RIF1: variants seen among roughly 807,000 people sequenced by gnomAD.
RIF1 encodes the protein replication timing regulatory factor 1.
Under a neutral mutation model 247.1 loss-of-function variants are expected in RIF1, and 45 were observed. That is an observed-to-expected ratio of 0.18 (90% confidence interval 0.14 to 0.23). The LOEUF (loss-of-function observed/expected upper bound fraction) is 0.23. RIF1 is among the 10% of genes least tolerant of loss of function. The pLI is 1.00. For synonymous variants in RIF1, 1,087 were observed against 978.8 expected, an observed-to-expected ratio of 1.11 and a Z score of -2.06; for missense variants, 2,967 against 2,862.5, an observed-to-expected ratio of 1.04 and a Z score of -0.83.
chr2:151,451,312 G>C (rs1317943267), intron 20 of RIF1, among the ~76,000 whole-genome samples: 1 of 152,180 alleles, frequency 6.6e-6, no homozygotes, highest in African/African-American at 2.4e-5. Flanking sequence ...AGGTGCCTAG[G>C]CTATGTGTTT....
In RIF1 at chr2:151,492,078, C is replaced by T. The variant is rs752766337; in HGVS notation, c.*416-3151C>T. On this transcript the variant is annotated intron_variant and NMD_transcript_variant, in intron 9 of 13. Transcript: ENST00000454583. ...CCCTCACTTAAAGTTAATCCCCTCC[C>T]CCAACCCAGGCTCAGTTACCTGTAA... is the stretch of plus-strand genomic sequence containing the variant. 29 of 1,612,494 alleles carry T rather than the reference C, an allele frequency of 1.8e-5. No homozygotes were observed. The highest frequency in any genetic ancestry group is 2.4e-5 in the Non-Finnish European group (28 of 1,178,788).
rs370057073 is a variant in RIF1 at position 151,423,033 on chromosome 2, A to G, written c.777A>G (p.Leu259=). The change falls in exon 8 of 36, where the codon CTA becomes CTG. Residue 259 remains leucine, a synonymous_variant. Coordinates refer to ENST00000444746, the MANE Select transcript of RIF1 (RefSeq NM_018151.5). Reference sequence around the variant, plus strand: ...AATTATGGCCTTTGTTTGTCAAACTACTTGGAAGGGTAAGTGCCCAGTTAA... The same window carrying G: ...AATTATGGCCTTTGTTTGTCAAACTGCTTGGAAGGGTAAGTGCCCAGTTAA... ...VLKLWPLFVK[L]LGRTLHRSGS... 2.4e-5 allele frequency: 38 copies of G among 1,566,598 alleles called. No homozygotes were observed. The highest frequency in any genetic ancestry group is 2.6e-5 in the Non-Finnish European group (30 of 1,138,336).
At chr2:151,527,319 G>C in the RIF1 span, among the ~76,000 whole-genome samples, 6 of 152,170 alleles carry the variant, frequency 3.9e-5, no homozygotes, top group African/African-American at 1.4e-4. Flanking sequence ...GCAGGTTTGG[G>C]TTCTGAGCTC....
At chr2:151,512,049 G>GTCTCAAAAAAAAAAAAAAAAAAAAAAAA (rs2074880725), downstream of RIF1, among the ~76,000 whole-genome samples, 1 of 33,194 alleles carries the variant, frequency 3.0e-5, no homozygotes. Context: ...TTTTTTTTTT[G>GTCTCAAAAAAAAAAAAAAAAAAAAAAAA]AGACAGAGTC....
chr2:151,494,728 A>G (rs2058994863), intron 9 of RIF1, among the ~76,000 whole-genome samples: 1 of 152,114 alleles, frequency 6.6e-6, no homozygotes, highest in African/African-American at 2.4e-5. Context: ...TGCTCACTGC[A>G]ACCTCCGCCT....
At chr2:151,502,387 TAA>T (rs34816284) in intron 11 of RIF1, among the ~76,000 whole-genome samples, 178 of 145,472 alleles carry the variant, frequency 1.2e-3, no homozygotes, top group Non-Finnish European at 1.8e-3. Context: ...CATCTAAACA[TAA>T]AAAAAAAAAA....
intron 11 of RIF1, chr2:151,502,934 GAGTA>G (rs1559298134): frequency 1.7e-6 from 2 of 1,150,036 alleles, no homozygotes; most frequent in African/African-American, 1.6e-5. Flanking sequence ...CAGGCACAGA[GAGTA>G]AGGAAGGAAG....
the RIF1 span, chr2:151,514,863 C>T: frequency 1.1e-5 from 18 of 1,587,952 alleles, no homozygotes; most frequent in Non-Finnish European, 1.5e-5. Flanking sequence ...ACAAAGCTGG[C>T]GTGACCTCCA....
rs778064132 is a variant in RIF1 at position 151,443,379 on chromosome 2, G to T, written c.1805+50G>T. 9 of 1,360,680 alleles carry T rather than the reference G, an allele frequency of 6.6e-6. No individual in the cohort carries two copies. In the South Asian group the frequency reaches 7.6e-5, roughly 12 times the overall value. 84.3% of individuals were successfully genotyped at this position (1,360,680 alleles called of 1,614,324 possible). A position where few individuals can be genotyped will look rare whatever the true frequency, so the allele number is the denominator to read the frequency against. On this transcript the variant is annotated intron_variant, in intron 17 of 35. Transcript: ENST00000444746. ...CTTTGTCTTGGAAAGGTTATGTAATGAATGAGATTATTTATGTACTATTTC... is the reference window on the plus strand; with the variant it reads ...CTTTGTCTTGGAAAGGTTATGTAATTAATGAGATTATTTATGTACTATTTC...
At position 151,443,553 on chromosome 2, in the gene RIF1, T is replaced by C; in HGVS notation, c.1830T>C (p.Leu610=). 2 of 1,604,276 alleles carry C rather than the reference T, an allele frequency of 1.2e-6. No individual in the cohort carries two copies. Among genetic ancestry groups the C allele is most frequent in the Non-Finnish European group, 1.7e-6 (2 of 1,177,406 alleles). Residue 610 remains leucine (L), a synonymous_variant, in exon 18 of 36, where the codon CTT becomes CTC. Coordinates refer to ENST00000444746, the MANE Select transcript of RIF1 (RefSeq NM_018151.5). ...GGTTCTTTCTCAGTTTGGAATCACT[T>C]GTAGGCTGTGTTCTTTCTGGTCCAA... The part of the protein sequence containing the change: ...DERFFLSLES[L]VGCVLSGPTS...
At chr2:151,524,654 C>CTTTTTT in the RIF1 span, 170 of 257,374 alleles carry the variant, frequency 6.6e-4, 13 homozygotes, top group African/African-American at 2.4e-3. Context: ...AAGAGAGAGG[C>CTTTTTT]TTTTTTTTTT....
At chr2:151,513,524 G>T in the RIF1 span, 1 of 1,269,722 alleles carries the variant, frequency 7.9e-7, no homozygotes, top group Non-Finnish European at 1.1e-6. Flanking sequence ...GACACTTTAT[G>T]TCCTTAAAGT....
intron 1 of RIF1, 41 bp from the exon 2 acceptor site, chr2:151,410,373 A>T (rs768413872): frequency 3.9e-6 from 6 of 1,539,230 alleles, no homozygotes; most frequent in Non-Finnish European, 5.3e-6. Flanking sequence ...GGCTGTTTCC[A>T]TCGGTCACTG....
chr2:151,415,296 G>T (rs987673877), intron 4 of RIF1, among the ~76,000 whole-genome samples: 11 of 147,308 alleles, frequency 7.5e-5, no homozygotes, highest in Admixed American at 6.8e-5. Context: ...GCAGTGAGTC[G>T]AGATCGTGCC....
intron 11 of RIF1, among the ~76,000 whole-genome samples, chr2:151,502,318 A>G (rs1005061836): frequency 2.6e-5 from 4 of 152,116 alleles, no homozygotes; most frequent in African/African-American, 9.7e-5. Context: ...AGTCACCACT[A>G]AAGAACTTAG....
intron 7 of RIF1, among the ~76,000 whole-genome samples, chr2:151,420,733 T>TC (rs1688025349): frequency 3.3e-5 from 2 of 59,960 alleles, no homozygotes; most frequent in South Asian, 1.1e-3. Context: ...AGACCCTGTC[T>TC]CAAAAAAAAA....
chr2:151,497,343 C>T, intron 10 of RIF1: 1 of 982,098 alleles, frequency 1.0e-6, no homozygotes, highest in Non-Finnish European at 1.2e-6. Context: ...GGATTTGAGA[C>T]AGTTAGAACT....
intron 8 of RIF1, among the ~76,000 whole-genome samples, chr2:151,425,375 T>G (rs1428247307): frequency 6.6e-6 from 1 of 151,990 alleles, no homozygotes; most frequent in Admixed American, 6.6e-5. Context: ...CATTGCAGAG[T>G]TTTTAATTTT....
chr2:151,416,869 T>G lies in RIF1; in HGVS notation c.471T>G (p.Val157=), dbSNP rs777619429. ...ACAAAGGAGAGACGCATTCTGCTGT[T>G]GTTGATTTTGAAGCATTAAATGTTA... The part of the protein sequence containing the change: ...LFNKGETHSA[V]VDFEALNVIV... Residue 157 remains valine, a synonymous_variant, in exon 6 of 36, where the codon GTT becomes GTG. Coordinates refer to ENST00000444746, the MANE Select transcript of RIF1 (RefSeq NM_018151.5). The G allele has an allele frequency of 1.2e-6, 2 of 1,612,684 alleles. No individual in the cohort carries two copies. Among genetic ancestry groups the G allele is most frequent in the Admixed American group, 3.3e-5 (2 of 59,954 alleles).
Sources: allele counts gnomAD v4.1 joint callset (sites outside exome capture counted in the v4.1 genomes callset), GRCh38; gene constraint gnomAD v4.1.1; transcripts MANE v1.5; gene names NCBI Gene and HGNC (gene_info 2026-07-23, HGNC 2026-07-21).